The following CEP55 variants were observed in gnomAD, a reference collection of about 807,000 sequenced individuals.
The protein encoded by CEP55 is centrosomal protein of 55 kDa.
A neutral mutation model predicts 63.2 loss-of-function variants in CEP55; 57 were observed. That is an observed-to-expected ratio of 0.90 (90% CI 0.73 to 1.13). CEP55 has a LOEUF of 1.13. Ranked by LOEUF, CEP55 falls within the 50% of genes most tolerant of loss-of-function variation. CEP55 has a pLI of 0.00. For missense variants in CEP55, 456 were observed against 518.9 expected (o/e 0.88, Z 1.18); for synonymous variants, 178 against 191.6 (o/e 0.93, Z 0.59).
chr10:93,503,074 C>T (rs746254247), intron 2 of CEP55, 39 bp from the exon 3 acceptor site: 1 of 1,572,372 alleles, frequency 6.4e-7, no homozygotes, highest in Non-Finnish European at 8.6e-7. Flanking sequence ...AGATGTTTGA[C>T]CTGGCTTTGT....
At chr10:93,525,719 G>A (rs1176524663) in intron 8 of CEP55, among the ~76,000 whole-genome samples, 1 of 151,808 alleles carries the variant, frequency 6.6e-6, no homozygotes, top group African/African-American at 2.4e-5. Context: ...AAACAGCATG[G>A]TACTGGTACC....
intron 5 of CEP55, 28 bp downstream of exon 5, chr10:93,515,583 A>AG (rs1177563377): frequency 1.9e-6 from 3 of 1,564,906 alleles, no homozygotes; most frequent in Non-Finnish European, 2.6e-6. Context: ...AATGTTCTCT[A>AG]GGGATAGGCC....
chr10:93,499,490 C>T (rs2057608457), intron 1 of CEP55, among the ~76,000 whole-genome samples: 1 of 150,550 alleles, frequency 6.6e-6, no homozygotes, highest in Admixed American at 6.6e-5. Context: ...ATATAGAACA[C>T]TACACAAAAC....
chr10:93,522,514 C>A (rs1465586935), intron 8 of CEP55, among the ~76,000 whole-genome samples: 1 of 152,198 alleles, frequency 6.6e-6, no homozygotes, highest in Non-Finnish European at 1.5e-5. Context: ...AAACACTCTG[C>A]AGGATATTAT....
intron 2 of CEP55, among the ~76,000 whole-genome samples, chr10:93,502,228 T>C (rs903946131): frequency 5.6e-4 from 85 of 152,296 alleles, no homozygotes; most frequent in African/African-American, 2.0e-3. Flanking sequence ...CAGATTGAAA[T>C]AGTAGTGTTA....
At chr10:93,519,939 T>TA in intron 8 of CEP55, 132 bp downstream of exon 8, 4 of 943,642 alleles carry the variant, frequency 4.2e-6, no homozygotes, top group Non-Finnish European at 6.6e-6. Context: ...AGCCTCTGCC[T>TA]CATTTGAAGC....
intron 8 of CEP55, among the ~76,000 whole-genome samples, chr10:93,521,497 T>C (rs192847648): frequency 1.7e-3 from 259 of 152,264 alleles, no homozygotes; most frequent in African/African-American, 5.9e-3. Flanking sequence ...CCTGCCTGCC[T>C]CTGTAGACTC....
At chr10:93,511,848 C>T (rs1434538759) in intron 4 of CEP55, among the ~76,000 whole-genome samples, 3 of 151,636 alleles carry the variant, frequency 2.0e-5, no homozygotes, top group African/African-American at 7.3e-5. Flanking sequence ...GTGATATGCC[C>T]GCCTCGGCCT....
intron 2 of CEP55, 83 bp downstream of exon 2, chr10:93,500,317 T>C (rs1564760276): frequency 1.1e-5 from 13 of 1,152,722 alleles, no homozygotes; most frequent in South Asian, 9.5e-5. Context: ...CTTCTTACTC[T>C]TGCCGTGTTC....
At chr10:93,521,216 C>T (rs567999313) in intron 8 of CEP55, among the ~76,000 whole-genome samples, 148 of 152,214 alleles carry the variant, frequency 9.7e-4, no homozygotes, top group Non-Finnish European at 1.5e-3. Flanking sequence ...GGGTGACTGA[C>T]GGCACCTGGA....
At position 93,518,907 on chromosome 10, in the gene CEP55, C is replaced by T. The variant is rs1433840681; in HGVS notation, c.1024C>T (p.Gln342Ter). 6.2e-7 allele frequency: 1 copy of T among 1,612,464 alleles called. No homozygotes were observed. The highest frequency in any genetic ancestry group is 1.1e-5 in the South Asian group (1 of 90,992). The change falls in exon 7 of 9, where the codon CAG becomes TAG. Residue 342 changes from glutamine (Q) to a stop codon, truncating the protein, a stop_gained. Transcript: ENST00000371485. LOFTEE classifies it high-confidence loss of function. ...GTTTCTTTACACATCTCTGCTAAAG[C>T]AGCAAGAAGAACAAACAAGGGTAGC... ...VQFLYTSLLK[Q>*]QEEQTRVALL...
chr10:93,499,421 C>T (rs1203137065), intron 1 of CEP55, among the ~76,000 whole-genome samples: 1 of 151,952 alleles, frequency 6.6e-6, no homozygotes, highest in East Asian at 1.9e-4. Flanking sequence ...TGGTTGGAGA[C>T]CCCTTCATTG....
At chr10:93,512,297 G>A (rs1431634393) in intron 4 of CEP55, among the ~76,000 whole-genome samples, 2 of 151,050 alleles carry the variant, frequency 1.3e-5, no homozygotes, top group Non-Finnish European at 1.5e-5. Context: ...GGCCAAGGCG[G>A]GCAGATCACC....
chr10:93,525,586 C>A (rs2057913128), intron 8 of CEP55, among the ~76,000 whole-genome samples: 1 of 152,002 alleles, frequency 6.6e-6, no homozygotes, highest in African/African-American at 2.4e-5. Context: ...GAAAAAACTA[C>A]TTTAAAGTTC....
intron 1 of CEP55, among the ~76,000 whole-genome samples, chr10:93,497,175 G>A (rs2057578082): frequency 6.6e-6 from 1 of 152,184 alleles, no homozygotes; most frequent in Non-Finnish European, 1.5e-5. Context: ...TGTAATTGAG[G>A]CCTTGTACCA....
intron 4 of CEP55, among the ~76,000 whole-genome samples, chr10:93,511,053 C>T (rs1487032671): frequency 6.6e-6 from 1 of 151,740 alleles, no homozygotes; most frequent in African/African-American, 2.4e-5. Context: ...ATTCTTCTGC[C>T]TCAGCCTCCA....
intron 8 of CEP55, among the ~76,000 whole-genome samples, chr10:93,524,207 A>G (rs1188987055): frequency 2.1e-5 from 3 of 139,934 alleles, no homozygotes; most frequent in African/African-American, 9.6e-5. Flanking sequence ...ACTAATAAAG[A>G]AGAAAAGAGA....
chr10:93,513,160 G>A (rs918497972), intron 4 of CEP55, among the ~76,000 whole-genome samples: 8 of 152,200 alleles, frequency 5.3e-5, no homozygotes, highest in African/African-American at 1.7e-4. Flanking sequence ...GAGGACTACT[G>A]TTCCCTAATG....
intron 5 of CEP55, 48 bp downstream of exon 5, chr10:93,515,603 C>T (rs2057796269): frequency 1.4e-6 from 2 of 1,471,402 alleles, no homozygotes; most frequent in East Asian, 2.3e-5. Context: ...CTGACATTTT[C>T]CAAAAGGAAT....
Sources: allele counts gnomAD v4.1 joint callset (sites outside exome capture counted in the v4.1 genomes callset), GRCh38; gene constraint gnomAD v4.1.1; transcripts MANE v1.5; gene names NCBI Gene and HGNC (gene_info 2026-07-23, HGNC 2026-07-21).